The following SAMD7 variants were observed in gnomAD, a reference collection of about 807,000 sequenced individuals.
SAMD7 encodes the protein sterile alpha motif domain-containing protein 7.
In SAMD7, 34 loss-of-function variants were observed where a neutral mutation model predicts 36.7. The ratio of observed to expected loss-of-function variants is 0.93; its 90% CI spans 0.71 to 1.23. The LOEUF is 1.23. Among genes scored for constraint, SAMD7 ranks in the 50% most tolerant of loss-of-function variants. The pLI is 0.00. For synonymous variants in SAMD7, 188 were observed against 189.7 expected (o/e 0.99, Z 0.07); for missense variants, 570 against 546.6 (o/e 1.04, Z -0.43).
intron 4 of SAMD7, among the ~76,000 whole-genome samples, chr3:169,921,582 C>CTATTTGT (rs1713047002): frequency 6.6e-6 from 1 of 152,152 alleles, no homozygotes; most frequent in Non-Finnish European, 1.5e-5. Flanking sequence ...TGCAGTATTA[C>CTATTTGT]TATTTGTCTT....
At chr3:169,932,641 C>G in intron 7 of SAMD7, 1 of 543,730 alleles carries the variant, frequency 1.8e-6, no homozygotes, top group Non-Finnish European at 3.7e-6. Flanking sequence ...CAGCTTGTGC[C>G]GATGGAGACA....
chr3:169,927,283 TTC>T, intron 6 of SAMD7, 102 bp downstream of exon 6: 65 of 572,222 alleles, frequency 1.1e-4, no homozygotes, highest in South Asian at 1.8e-4. Context: ...CTTTTTATCT[TTC>T]TTTTTTTTTT....
At chr3:169,925,028 TG>T in intron 4 of SAMD7, 29 bp from the exon 5 acceptor site, 2 of 1,321,934 alleles carry the variant, frequency 1.5e-6, no homozygotes, top group Non-Finnish European at 2.1e-6. Flanking sequence ...AATTTATTTG[TG>T]GGGTGGGATG....
At chr3:169,931,766 T>C (rs1713503986) in intron 7 of SAMD7, among the ~76,000 whole-genome samples, 1 of 152,126 alleles carries the variant, frequency 6.6e-6, no homozygotes, top group South Asian at 2.1e-4. Flanking sequence ...GTGGTGGCAG[T>C]GGCTGGGGTG....
chr3:169,919,950 A>G (rs1712978650), intron 3 of SAMD7, among the ~76,000 whole-genome samples: 1 of 152,192 alleles, frequency 6.6e-6, no homozygotes, highest in South Asian at 2.1e-4. Flanking sequence ...CAAGGTGGGC[A>G]GATCACAATG....
Position 169,926,957 on chromosome 3 carries a change from C to A in SAMD7, c.695C>A (p.Pro232His), listed in dbSNP as rs201077493. 6.2e-7 allele frequency: 1 copy of A among 1,613,940 alleles called. No individual in the cohort carries two copies. Among genetic ancestry groups the A allele is most frequent in the Non-Finnish European group, 8.5e-7 (1 of 1,179,982 alleles). ...GCAAAAGACCCAGACATTGAAGCAC[C>A]CAGCAACCAGAAGTCAAGTGAAACG... The part of the protein sequence containing the change: ...HYAKDPDIEA[P>H]SNQKSSETNE... The change falls in exon 6 of 9, where the codon CCC becomes CAC. Residue 232 changes from proline to histidine, a missense_variant. Physicochemically the swap from Pro to His is moderately conservative, Grantham distance 77. Coordinates refer to ENST00000335556, the MANE Select transcript of SAMD7 (RefSeq NM_001304366.2).
rs530752626 is a variant in SAMD7 at position 169,916,539 on chromosome 3, C to T, written c.-42+1098C>T. 5.3e-5 allele frequency among the ~76,000 whole-genome samples: 8 copies of T among 152,002 alleles called. No individual in the cohort carries two copies. The East Asian group carries it at 9.7e-4, about 18-fold the overall frequency. Reference sequence around the variant, plus strand: ...GGTGAGTGCCTGTAATGCCAGCTACCGAGGAGGCTGAGGCAGAAGAATTGC... The same window carrying T: ...GGTGAGTGCCTGTAATGCCAGCTACTGAGGAGGCTGAGGCAGAAGAATTGC... On this transcript the variant is annotated intron_variant, in intron 2 of 8. Coordinates refer to ENST00000335556, the MANE Select transcript of SAMD7 (RefSeq NM_001304366.2).
intron 4 of SAMD7, among the ~76,000 whole-genome samples, chr3:169,922,390 C>G (rs1713079283): frequency 6.6e-6 from 1 of 152,098 alleles, no homozygotes; most frequent in Non-Finnish European, 1.5e-5. Context: ...AGTGAGGTAG[C>G]AAGAAACCCA....
At chr3:169,927,285 C>CT (rs71634451) in intron 6 of SAMD7, 104 bp downstream of exon 6, 14,764 of 141,452 alleles carry the variant, frequency 0.1, 2,779 homozygotes, top group Admixed American at 0.16. Context: ...TTTTATCTTT[C>CT]TTTTTTTTTT....
rs575186552 is a variant in SAMD7, at chr3:169,920,026, T to C, written c.86+442T>C. The stretch of plus-strand genomic sequence containing the variant: ...CATCTCTACTAAAAATACAAAACAT[T>C]AGCCAGACATGGTGGTGCAGGCCTG... On this transcript the variant is annotated intron_variant, in intron 3 of 8. Coordinates refer to ENST00000335556, the MANE Select transcript of SAMD7 (RefSeq NM_001304366.2). 2.3e-3 allele frequency among the ~76,000 whole-genome samples: 346 copies of C among 152,076 alleles called. 2 individuals are homozygous for C. The highest frequency in any genetic ancestry group is 3.7e-3 in the Non-Finnish European group (251 of 67,970).
At chr3:169,928,407 A>G (rs1441171813) in intron 6 of SAMD7, 50 bp from the exon 7 acceptor site, 1 of 1,530,926 alleles carries the variant, frequency 6.5e-7, no homozygotes, top group Admixed American at 1.7e-5. Context: ...TAATGTAACT[A>G]TACATAAACC....
At chr3:169,929,047 T>C (rs1289674775) in intron 7 of SAMD7, among the ~76,000 whole-genome samples, 1 of 152,200 alleles carries the variant, frequency 6.6e-6, no homozygotes, top group Non-Finnish European at 1.5e-5. Flanking sequence ...TAGAAATTCA[T>C]TATTTTAAAT....
At chr3:169,921,988 G>T (rs1259770556) in intron 4 of SAMD7, among the ~76,000 whole-genome samples, 2 of 152,188 alleles carry the variant, frequency 1.3e-5, no homozygotes, top group Non-Finnish European at 2.9e-5. Context: ...GTGGAAGGTG[G>T]AAGAAAGAGA....
rs780343856 is a variant in SAMD7, at chr3:169,921,247, C to A, written c.120C>A (p.Asp40Glu). The change falls in exon 4 of 9, where the codon GAC becomes GAA. Residue 40 changes from aspartate to glutamate, a missense_variant. Asp to Glu is a conservative substitution (Grantham distance 45, BLOSUM62 2). Coordinates refer to ENST00000335556, the MANE Select transcript of SAMD7 (RefSeq NM_001304366.2). ...DVLPSTVAPTDPRQFCVPSQF... is the reference protein window; with the variant it reads ...DVLPSTVAPTEPRQFCVPSQF... ...TGCCTTCCACCGTAGCTCCAACTGA[C>A]CCAAGACAGTTTTGCGTTCCTTCCC... 1.2e-6 allele frequency: 2 copies of A among 1,613,916 alleles called. No homozygotes were observed. Among genetic ancestry groups the A allele is most frequent in the Non-Finnish European group, 1.7e-6 (2 of 1,179,806 alleles).
chr3:169,919,564 T>TG lies in SAMD7; in HGVS notation c.69dup (p.Pro24AlafsTer17). 6.2e-7 allele frequency: 1 copy of TG among 1,613,762 alleles called. No individual in the cohort carries two copies. The highest frequency in any genetic ancestry group is 8.5e-7 in the Non-Finnish European group (1 of 1,179,614). On this transcript the variant is annotated frameshift_variant, in exon 3 of 9. Coordinates refer to ENST00000335556, the MANE Select transcript of SAMD7 (RefSeq NM_001304366.2). LOFTEE classifies it high-confidence loss of function. ...CAATCCCACTGATCCCCTCACCATT[T>TG]GGGCCTCCAACTGTGGACAGGTATT...
chr3:169,935,274 T>G (rs1252167178), intron 7 of SAMD7, among the ~76,000 whole-genome samples: 1 of 151,982 alleles, frequency 6.6e-6, no homozygotes, highest in Non-Finnish European at 1.5e-5. Flanking sequence ...TAAATCCCAA[T>G]GGGAAAGAGC....
At chr3:169,928,357 C>T in intron 6 of SAMD7, 100 bp from the exon 7 acceptor site, 1 of 974,010 alleles carries the variant, frequency 1.0e-6, no homozygotes, top group Non-Finnish European at 1.5e-6. Context: ...AAGGCGTTTG[C>T]AAATCAAGAC....
intron 7 of SAMD7, among the ~76,000 whole-genome samples, chr3:169,933,382 T>C (rs1031493079): frequency 6.6e-6 from 1 of 152,262 alleles, no homozygotes; most frequent in African/African-American, 2.4e-5. Context: ...TTTGGTGTTT[T>C]CTGTAGTAGA....
intron 8 of SAMD7, among the ~76,000 whole-genome samples, chr3:169,937,549 G>T (rs1559955573): frequency 6.6e-6 from 1 of 152,090 alleles, no homozygotes; most frequent in Non-Finnish European, 1.5e-5. Flanking sequence ...GAGGATAATG[G>T]CTTCCAGCTC....
Sources: gnomAD v4.1 joint callset for allele counts (sites outside exome capture counted in the v4.1 genomes callset) on GRCh38, gnomAD v4.1.1 for gene constraint, MANE v1.5 for transcripts, NCBI Gene and HGNC (gene_info 2026-07-23, HGNC 2026-07-21) for gene names.